Variants in RBFOX1 observed in about 807,000 individuals in gnomAD.
RBFOX1 encodes RNA binding protein fox-1 homolog 1.
In RBFOX1, 8 loss-of-function variants were observed where a neutral mutation model predicts 57.7. The ratio of observed to expected loss-of-function variants is 0.14; its 90% CI spans 0.08 to 0.25. RBFOX1 has a LOEUF of 0.25. Among genes scored for constraint, RBFOX1 ranks in the 10% least tolerant of loss-of-function variants. RBFOX1 has a pLI of 1.00. For missense variants in RBFOX1, 611 were observed against 548.5 expected (o/e 1.11, Z -1.14); for synonymous variants, 326 against 222.4 (o/e 1.47, Z -4.15).
chr16:5,420,859 C>T (rs2067298154), intron 1 of RBFOX1, among the ~76,000 whole-genome samples: 1 of 127,130 alleles, frequency 7.9e-6, no homozygotes, highest in Non-Finnish European at 1.7e-5. Context: ...ACCTCCTCTT[C>T]CTCCTCCTCC....
At chr16:7,330,219 G>A (rs1043264381) in intron 4 of RBFOX1, among the ~76,000 whole-genome samples, 1 of 151,898 alleles carries the variant, frequency 6.6e-6, no homozygotes, top group South Asian at 2.1e-4. Flanking sequence ...AATGGCCTAG[G>A]ATTTGCATAT....
intron 3 of RBFOX1, among the ~76,000 whole-genome samples, chr16:5,764,388 C>T (rs561468412): frequency 1.3e-5 from 2 of 152,330 alleles, no homozygotes; most frequent in African/African-American, 4.8e-5. Context: ...TGCCAGCACC[C>T]AGCCTCTTGT....
intron 4 of RBFOX1, among the ~76,000 whole-genome samples, chr16:7,155,310 T>C (rs892489295): frequency 1.3e-5 from 2 of 152,086 alleles, no homozygotes; most frequent in African/African-American, 4.8e-5. Flanking sequence ...GTTGGAGGAT[T>C]GGCCAGGTAC....
At chr16:6,140,004 A>G (rs2096702770) in intron 1 of RBFOX1, among the ~76,000 whole-genome samples, 1 of 152,098 alleles carries the variant, frequency 6.6e-6, no homozygotes, top group African/African-American at 2.4e-5. Context: ...AAAATACGGA[A>G]TATTGTGTTA....
At chr16:5,710,522 C>T (rs572552439) in intron 3 of RBFOX1, among the ~76,000 whole-genome samples, 82 of 152,300 alleles carry the variant, frequency 5.4e-4, no homozygotes, top group African/African-American at 1.9e-3. Context: ...ATGAGGATGG[C>T]AGGCCTGGCA....
At chr16:5,874,123 G>T (rs986659181) in intron 4 of RBFOX1, among the ~76,000 whole-genome samples, 2 of 152,224 alleles carry the variant, frequency 1.3e-5, no homozygotes, top group Non-Finnish European at 1.5e-5. Flanking sequence ...CAGGACCCAT[G>T]GCACTGAGTT....
chr16:6,955,675 A>T, intron 3 of RBFOX1, among the ~76,000 whole-genome samples: 1 of 106,512 alleles, frequency 9.4e-6, no homozygotes, highest in South Asian at 3.0e-4. Context: ...CACTTTATTT[A>T]TTTAGGTATG....
At chr16:5,754,379 G>C (rs572073533) in intron 3 of RBFOX1, among the ~76,000 whole-genome samples, 1 of 152,174 alleles carries the variant, frequency 6.6e-6, no homozygotes, top group African/African-American at 2.4e-5. Context: ...TGTTTTAATT[G>C]ATGATTGATG....
intron 4 of RBFOX1, among the ~76,000 whole-genome samples, chr16:5,977,851 C>T (rs887004133): frequency 6.6e-6 from 1 of 151,982 alleles, no homozygotes; most frequent in South Asian, 2.1e-4. Flanking sequence ...CCTTTTTTGG[C>T]TTTTTGAGTC....
chr16:6,758,558 A>G (rs766076884), intron 3 of RBFOX1, among the ~76,000 whole-genome samples: 6 of 152,106 alleles, frequency 3.9e-5, no homozygotes, highest in Non-Finnish European at 7.4e-5. Context: ...GAATATAACC[A>G]TGCTCTCTAA....
chr16:6,869,022 A>T (rs1206142703), intron 3 of RBFOX1, among the ~76,000 whole-genome samples: 3 of 152,222 alleles, frequency 2.0e-5, no homozygotes, highest in Admixed American at 2.0e-4. Context: ...CAAAAGTTCC[A>T]GCCAACCTGT....
chr16:6,606,042 G>A (rs1327605258), intron 2 of RBFOX1, among the ~76,000 whole-genome samples: 2 of 152,106 alleles, frequency 1.3e-5, no homozygotes, highest in Non-Finnish European at 2.9e-5. Flanking sequence ...CCAGGAGGTG[G>A]AGGTTGCAAT....
chr16:6,526,828 T>TCA (rs1567560460), intron 2 of RBFOX1, among the ~76,000 whole-genome samples: 1 of 14,970 alleles, frequency 6.7e-5, no homozygotes, highest in Non-Finnish European at 1.1e-4. Flanking sequence ...AGACTCTGTC[T>TCA]CAAAAAAAAA....
intron 3 of RBFOX1, among the ~76,000 whole-genome samples, chr16:6,850,846 C>T (rs1368949082): frequency 2.0e-5 from 3 of 152,146 alleles, no homozygotes; most frequent in Non-Finnish European, 4.4e-5. Flanking sequence ...ATGCACCTCC[C>T]ATATAATTGA....
chr16:7,512,299 A>G (rs1469085616), intron 4 of RBFOX1, among the ~76,000 whole-genome samples: 1 of 152,170 alleles, frequency 6.6e-6, no homozygotes, highest in Non-Finnish European at 1.5e-5. Flanking sequence ...GGTGCCCTTA[A>G]TGTCAGTGTA....
At chr16:5,364,980 G>A (rs1434480101) in intron 1 of RBFOX1, among the ~76,000 whole-genome samples, 2 of 152,200 alleles carry the variant, frequency 1.3e-5, no homozygotes, top group Non-Finnish European at 2.9e-5. Context: ...CTCGGTTGCA[G>A]TGGTTTGGGT....
chr16:5,378,216 C>G (rs1266288472), intron 1 of RBFOX1, among the ~76,000 whole-genome samples: 2 of 151,672 alleles, frequency 1.3e-5, no homozygotes, highest in Non-Finnish European at 2.9e-5. Context: ...GGGTCACCAG[C>G]TGTTCTGGAT....
At chr16:5,670,328 C>G (rs1371710430) in intron 3 of RBFOX1, among the ~76,000 whole-genome samples, 1 of 152,012 alleles carries the variant, frequency 6.6e-6, no homozygotes, top group Non-Finnish European at 1.5e-5. Flanking sequence ...TGCATTTCAC[C>G]ACAGTCAAAA....
chr16:5,991,645 G>GTTTTTTTTTTTT (rs60004233), intron 4 of RBFOX1, among the ~76,000 whole-genome samples: 2 of 123,934 alleles, frequency 1.6e-5, no homozygotes, highest in Non-Finnish European at 1.8e-5. Flanking sequence ...TTATTAGATA[G>GTTTTTTTTTTTT]TTTTTTTTTT....
Sources: allele counts gnomAD v4.1 joint callset (sites outside exome capture counted in the v4.1 genomes callset), GRCh38; gene constraint gnomAD v4.1.1; transcripts MANE v1.5; gene names NCBI Gene and HGNC (gene_info 2026-07-23, HGNC 2026-07-21).